The following GABRB1 variants were observed in gnomAD, a reference collection of about 807,000 sequenced individuals.
GABRB1 encodes the protein gamma-aminobutyric acid type A receptor subunit beta1, also known as gamma-aminobutyric acid receptor subunit beta-1.
A neutral mutation model predicts 51.6 loss-of-function variants in GABRB1; 17 were observed. The ratio of observed to expected loss-of-function variants is 0.33; its 90% CI spans 0.23 to 0.49. The LOEUF (loss-of-function observed/expected upper bound fraction) is 0.49, where lower values mean the gene tolerates loss of function less well. Among genes scored for constraint, GABRB1 ranks in the 20% least tolerant of loss-of-function variants. GABRB1 has a pLI of 0.99. For synonymous variants in GABRB1, 247 were observed against 218.9 expected (o/e 1.13, Z -1.14); for missense variants, 410 against 600.6 (o/e 0.68, Z 3.32).
At chr4:47,395,122 G>T (rs141750751) in intron 5 of GABRB1, among the ~76,000 whole-genome samples, 183 of 152,262 alleles carry the variant, frequency 1.2e-3, no homozygotes, top group African/African-American at 4.3e-3. Flanking sequence ...ATGAGAATTT[G>T]GGAAACAACT....
At chr4:47,326,327 A>G (rs1245258547) in intron 5 of GABRB1, among the ~76,000 whole-genome samples, 1 of 152,126 alleles carries the variant, frequency 6.6e-6, no homozygotes, top group Admixed American at 6.6e-5. Context: ...ATTTTATCTC[A>G]TCATGCAGGC....
chr4:47,211,077 C>T (rs371415816), intron 4 of GABRB1, among the ~76,000 whole-genome samples: 2 of 152,208 alleles, frequency 1.3e-5, no homozygotes, highest in Admixed American at 1.3e-4. Context: ...GATTAACCAG[C>T]TGACATGTCT....
chr4:47,331,213 T>C (rs1725468240), intron 5 of GABRB1, among the ~76,000 whole-genome samples: 1 of 152,148 alleles, frequency 6.6e-6, no homozygotes, highest in Non-Finnish European at 1.5e-5. Context: ...TGTAGCTTTT[T>C]TGATGAGAAG....
At chr4:47,061,792 C>T (rs185401485) in intron 3 of GABRB1, among the ~76,000 whole-genome samples, 53 of 152,288 alleles carry the variant, frequency 3.5e-4, no homozygotes, top group Admixed American at 3.5e-3. Context: ...TCAAAATGCT[C>T]ATCACTGTGT....
chr4:47,197,018 A>C (rs745357084), intron 4 of GABRB1, among the ~76,000 whole-genome samples: 4 of 152,172 alleles, frequency 2.6e-5, no homozygotes, highest in Non-Finnish European at 4.4e-5. Context: ...GGAGTAAGTA[A>C]CTTGTGTTGG....
intron 4 of GABRB1, among the ~76,000 whole-genome samples, chr4:47,284,101 A>G (rs1723410843): frequency 6.6e-6 from 1 of 150,752 alleles, no homozygotes; most frequent in South Asian, 2.1e-4. Flanking sequence ...CAGTCTCAAA[A>G]AAAAAAAAAA....
chr4:47,384,284 T>A (rs1174744921), intron 5 of GABRB1, among the ~76,000 whole-genome samples: 8 of 152,044 alleles, frequency 5.3e-5, no homozygotes, highest in Non-Finnish European at 1.2e-4. Context: ...ACCATAAACA[T>A]TTTGCCATCA....
intron 5 of GABRB1, among the ~76,000 whole-genome samples, chr4:47,367,035 A>G (rs1424488193): frequency 2.0e-5 from 3 of 152,174 alleles, no homozygotes; most frequent in African/African-American, 7.2e-5. Flanking sequence ...ATACCTGGAC[A>G]TAGCTACCAC....
chr4:47,050,704 T>C (rs1052629463), intron 3 of GABRB1, among the ~76,000 whole-genome samples: 17 of 152,180 alleles, frequency 1.1e-4, no homozygotes, highest in African/African-American at 3.6e-4. Flanking sequence ...CAGGAGTGAA[T>C]TGACAACAAA....
At chr4:47,047,250 T>C (rs1726135352) in intron 3 of GABRB1, among the ~76,000 whole-genome samples, 1 of 152,152 alleles carries the variant, frequency 6.6e-6, no homozygotes, top group Non-Finnish European at 1.5e-5. Flanking sequence ...ACAGAGAGAT[T>C]CACATGACTC....
At chr4:47,085,709 C>T (rs1728028604) in intron 3 of GABRB1, among the ~76,000 whole-genome samples, 1 of 152,182 alleles carries the variant, frequency 6.6e-6, no homozygotes, top group African/African-American at 2.4e-5. Context: ...TTAACATTCT[C>T]TGGATTGACA....
chr4:47,326,482 C>T (rs1725267659), intron 5 of GABRB1, among the ~76,000 whole-genome samples: 1 of 152,104 alleles, frequency 6.6e-6, no homozygotes, highest in South Asian at 2.1e-4. Flanking sequence ...TAATCTCATA[C>T]TGTGCCTAAT....
intron 4 of GABRB1, among the ~76,000 whole-genome samples, chr4:47,276,943 C>G (rs1723105212): frequency 6.6e-6 from 1 of 151,882 alleles, no homozygotes; most frequent in Non-Finnish European, 1.5e-5. Flanking sequence ...GAGAACCATG[C>G]CTCTAAAGCC....
At chr4:47,030,724 C>A (rs897335949), upstream of GABRB1, among the ~76,000 whole-genome samples, 1 of 152,174 alleles carries the variant, frequency 6.6e-6, no homozygotes, top group African/African-American at 2.4e-5. Flanking sequence ...AACCTACTGG[C>A]GAACAGAGGT....
chr4:47,325,025 T>C (rs1725210547), intron 5 of GABRB1, among the ~76,000 whole-genome samples: 1 of 152,228 alleles, frequency 6.6e-6, no homozygotes, highest in African/African-American at 2.4e-5. Context: ...ACCTGGACCA[T>C]TGTAGCTGCC....
chr4:47,224,721 C>T (rs866713980), intron 4 of GABRB1, among the ~76,000 whole-genome samples: 1 of 152,234 alleles, frequency 6.6e-6, no homozygotes, highest in South Asian at 2.1e-4. Context: ...TCAGAGGAGG[C>T]TAACTAAAGT....
At chr4:47,113,212 C>A (rs1278280893) in intron 3 of GABRB1, among the ~76,000 whole-genome samples, 1 of 151,770 alleles carries the variant, frequency 6.6e-6, no homozygotes, top group Non-Finnish European at 1.5e-5. Context: ...ATAGTGAAAC[C>A]CCGTCTCTAC....
At chr4:47,223,285 C>T (rs1009281846) in intron 4 of GABRB1, among the ~76,000 whole-genome samples, 1 of 151,982 alleles carries the variant, frequency 6.6e-6, no homozygotes, top group Non-Finnish European at 1.5e-5. Flanking sequence ...GTGGCATCTA[C>T]GCTAGTATTT....
chr4:47,225,123 G>T (rs1720902679), intron 4 of GABRB1, among the ~76,000 whole-genome samples: 2 of 152,120 alleles, frequency 1.3e-5, no homozygotes, highest in South Asian at 2.1e-4. Context: ...TCGAATTCCT[G>T]ACCTCAGGTG....
Sources: gnomAD v4.1 joint callset for allele counts (sites outside exome capture counted in the v4.1 genomes callset) on GRCh38, gnomAD v4.1.1 for gene constraint, MANE v1.5 for transcripts, NCBI Gene and HGNC (gene_info 2026-07-23, HGNC 2026-07-21) for gene names.